The following TGFBRAP1 variants were observed in gnomAD, a reference collection of about 807,000 sequenced individuals.
TGFBRAP1 encodes the protein transforming growth factor-beta receptor-associated protein 1.
TGFBRAP1 carries 20 observed loss-of-function variants against 83.2 expected under a neutral mutation model. The observed-to-expected ratio is 0.24, with a 90% CI of 0.17 to 0.35. TGFBRAP1 has a LOEUF of 0.35. Ranked by LOEUF, TGFBRAP1 falls within the 10% of genes least tolerant of loss-of-function variation. The probability of loss-of-function intolerance (pLI) is 1.00; values close to 1 mark genes in which losing one functional copy is unlikely to be tolerated. For missense variants in TGFBRAP1, 950 were observed against 1,099.4 expected, an observed-to-expected ratio of 0.86 and a Z score of 1.92; for synonymous variants, 415 against 459.8, an observed-to-expected ratio of 0.90 and a Z score of 1.25.
chr2:105,325,687 A>G (rs1002025566), intron 1 of TGFBRAP1, among the ~76,000 whole-genome samples: 4 of 152,138 alleles, frequency 2.6e-5, no homozygotes, highest in African/African-American at 4.8e-5. Flanking sequence ...ATTCAGACAC[A>G]GAATAGTATG....
chr2:105,278,601 C>T (rs1677428601), intron 6 of TGFBRAP1, among the ~76,000 whole-genome samples: 1 of 152,136 alleles, frequency 6.6e-6, no homozygotes, highest in Admixed American at 6.5e-5. Context: ...TGGAAAAGAT[C>T]GGCAATAGCA....
chr2:105,294,282 T>A (rs1490399677), intron 4 of TGFBRAP1, among the ~76,000 whole-genome samples: 4 of 151,324 alleles, frequency 2.6e-5, no homozygotes, highest in African/African-American at 9.7e-5. Context: ...ATGTAGAATG[T>A]AGGCATGTGC....
chr2:105,314,395 C>G (rs892696159), intron 1 of TGFBRAP1, among the ~76,000 whole-genome samples: 13 of 151,548 alleles, frequency 8.6e-5, no homozygotes, highest in Admixed American at 5.9e-4. Flanking sequence ...GGACTACAGG[C>G]GCCTGCCACC....
chr2:105,255,108 T>G, the TGFBRAP1 span, among the ~76,000 whole-genome samples: 1,321 of 152,362 alleles, frequency 8.7e-3, 15 homozygotes, highest in African/African-American at 0.023. Context: ...ATGAAAATTT[T>G]AATGTTCTAT....
intron 1 of TGFBRAP1, among the ~76,000 whole-genome samples, chr2:105,323,128 C>G (rs1461385598): frequency 1.3e-5 from 2 of 152,074 alleles, no homozygotes; most frequent in Non-Finnish European, 2.9e-5. Context: ...TGAGGCTGGT[C>G]CTGAGAAGTT....
At chr2:105,294,141 T>G (rs1030878) in intron 4 of TGFBRAP1, among the ~76,000 whole-genome samples, 119,958 of 152,150 alleles carry the variant, frequency 0.79, 47,436 homozygotes, top group African/African-American at 0.82. Flanking sequence ...TGAGGACAAT[T>G]GTACCAGTCA....
intron 2 of TGFBRAP1, among the ~76,000 whole-genome samples, chr2:105,304,470 A>T (rs754224305): frequency 2.6e-5 from 4 of 152,242 alleles, no homozygotes; most frequent in Non-Finnish European, 4.4e-5. Flanking sequence ...AGCCATAAAA[A>T]GACATGGAGG....
chr2:105,316,446 TGTGTGTGTGTGTGTGTGCGCGCGCGC>T (rs1198724804), intron 1 of TGFBRAP1, among the ~76,000 whole-genome samples: 1 of 75,664 alleles, frequency 1.3e-5, no homozygotes, highest in Admixed American at 1.5e-4. Flanking sequence ...TGTGTGTGTG[TGTGTGTGTGTGTGTGTGCGCGCGCGC>T]GCGCGCGCAC....
At chr2:105,303,887 A>G (rs1254743783) in intron 2 of TGFBRAP1, among the ~76,000 whole-genome samples, 1 of 152,252 alleles carries the variant, frequency 6.6e-6, no homozygotes, top group African/African-American at 2.4e-5. Context: ...GACACCATAC[A>G]TGAAACCATC....
At chr2:105,276,343 G>T (rs1420419084) in intron 7 of TGFBRAP1, among the ~76,000 whole-genome samples, 1 of 152,168 alleles carries the variant, frequency 6.6e-6, no homozygotes, top group Non-Finnish European at 1.5e-5. Context: ...GGGTAGAAAG[G>T]ATGACGGTTG....
At chr2:105,298,828 T>C (rs1206393647) in intron 2 of TGFBRAP1, 123 bp from the exon 3 acceptor site, 5 of 868,794 alleles carry the variant, frequency 5.8e-6, no homozygotes, top group Non-Finnish European at 8.3e-6. Context: ...GTCTTATATT[T>C]CAAGGAAGGA....
chr2:105,269,287 G>C lies in TGFBRAP1; in HGVS notation c.2391C>G (p.Ile797Met). ...CAGCACTTACCTTATCGTAGGTGTAGATTAAGTTTTCGGACCTGGCCAGGC... is the reference window on the plus strand; with the variant it reads ...CAGCACTTACCTTATCGTAGGTGTACATTAAGTTTTCGGACCTGGCCAGGC... ...ALGLARSENL[I>M]YTYDKMKLKG... is the part of the protein sequence containing the mutation. Residue 797 changes from isoleucine (I) to methionine (M), a missense_variant, in exon 11 of 12, where the codon ATC (isoleucine) becomes ATG (methionine). Ile to Met is a conservative substitution (Grantham distance 10). Coordinates refer to ENST00000393359, the MANE Select transcript of TGFBRAP1 (RefSeq NM_004257.6). The surrounding 1 kb of genome is among the most constrained non-coding windows in gnomAD (Gnocchi z 4.1). 2 of 1,606,728 alleles carry C rather than the reference G, an allele frequency of 1.2e-6. No homozygotes were observed. The highest frequency in any genetic ancestry group is 1.7e-6 in the Non-Finnish European group (2 of 1,174,266).
chr2:105,298,944 A>G (rs1678186414), intron 2 of TGFBRAP1, among the ~76,000 whole-genome samples: 1 of 152,214 alleles, frequency 6.6e-6, no homozygotes, highest in Non-Finnish European at 1.5e-5. Flanking sequence ...TTCCAATTAA[A>G]AATGAAGTTG....
At chr2:105,325,642 G>C (rs1412496712) in intron 1 of TGFBRAP1, among the ~76,000 whole-genome samples, 2 of 152,100 alleles carry the variant, frequency 1.3e-5, no homozygotes, top group African/African-American at 2.4e-5. Context: ...CGTGAGTCTA[G>C]AAGAGGAATC....
intron 4 of TGFBRAP1, among the ~76,000 whole-genome samples, chr2:105,287,630 G>T (rs143711572): frequency 6.6e-6 from 1 of 152,192 alleles, no homozygotes; most frequent in Non-Finnish European, 1.5e-5. Context: ...TCAGAGTTGG[G>T]GTGAGGATTA....
Position 105,267,105 on chromosome 2 carries a change from G to T in TGFBRAP1, c.*278C>A. 2.8e-6 allele frequency: 1 copy of T among 361,808 alleles called. No individual in the cohort carries two copies. Among genetic ancestry groups the T allele is most frequent in the Non-Finnish European group, 5.0e-6 (1 of 201,660 alleles). The allele number at this position is 361,808 out of a possible 1,614,324, so 22.4% of individuals were successfully genotyped here. On this transcript the variant is annotated 3_prime_UTR_variant, in exon 12 of 12. Transcript: ENST00000393359. The stretch of plus-strand genomic sequence containing the variant: ...TTTTTCAAAGTAGACCTCTGTCTTG[G>T]ATTACTATGTACCTGGACAGGTGAA...
At chr2:105,259,971 T>C (rs1188481580), downstream of TGFBRAP1, among the ~76,000 whole-genome samples, 1 of 152,244 alleles carries the variant, frequency 6.6e-6, no homozygotes, top group Non-Finnish European at 1.5e-5. Context: ...GATATAGGGT[T>C]ATATTTTTCT....
At chr2:105,250,597 C>T in the TGFBRAP1 span, among the ~76,000 whole-genome samples, 2 of 132,294 alleles carry the variant, frequency 1.5e-5, no homozygotes, top group Non-Finnish European at 3.4e-5. Flanking sequence ...CTCCCTCTCC[C>T]TCCTCTCCCT....
intron 10 of TGFBRAP1, among the ~76,000 whole-genome samples, chr2:105,271,796 C>T (rs1415370021): frequency 6.6e-6 from 1 of 152,184 alleles, no homozygotes; most frequent in Non-Finnish European, 1.5e-5. Flanking sequence ...ACCTCCCAAT[C>T]AACACTCGCA....
Sources: gnomAD v4.1 joint callset for allele counts (sites outside exome capture counted in the v4.1 genomes callset) on GRCh38, gnomAD v4.1.1 for gene constraint, Gnocchi (gnomAD v3.1) non-coding constraint, MANE v1.5 for transcripts, NCBI Gene and HGNC (gene_info 2026-07-23, HGNC 2026-07-21) for gene names.